Variants in ERC1 observed in about 807,000 individuals in gnomAD.
ERC1 encodes ELKS/RAB6-interacting/CAST family member 1, also known as RAB6 interacting protein 2.
ERC1 carries 56 observed loss-of-function variants against 132.0 expected under a neutral mutation model. The observed-to-expected ratio is 0.42, with a 90% confidence interval of 0.34 to 0.53. ERC1 has a LOEUF of 0.53. ERC1 is among the 20% of genes least tolerant of loss of function. The probability of loss-of-function intolerance (pLI) is 0.03; values close to 1 mark genes in which losing one functional copy is unlikely to be tolerated. For missense variants in ERC1, 1,202 were observed against 1,349.9 expected, an observed-to-expected ratio of 0.89 and a Z score of 1.72; for synonymous variants, 478 against 476.1, an observed-to-expected ratio of 1.00 and a Z score of -0.05.
intron 15 of ERC1, among the ~76,000 whole-genome samples, chr12:1,301,460 A>G (rs1319870812): frequency 6.6e-6 from 1 of 152,240 alleles, no homozygotes; most frequent in East Asian, 1.9e-4. Flanking sequence ...TGTAGTGCCC[A>G]TACACCATGG....
chr12:1,135,340 A>G (rs1435622739), intron 7 of ERC1, among the ~76,000 whole-genome samples: 1 of 152,206 alleles, frequency 6.6e-6, no homozygotes. Flanking sequence ...TCTGTTTTCA[A>G]CATTTTAGTG....
At chr12:1,009,384 C>T (rs966222500) in intron 1 of ERC1, among the ~76,000 whole-genome samples, 16 of 152,050 alleles carry the variant, frequency 1.1e-4, no homozygotes, top group Non-Finnish European at 1.9e-4. Flanking sequence ...CCGTGTTAGC[C>T]AGGATGGTCT....
rs145873323 is a variant in ERC1, at chr12:1,062,816, C to T, written c.670-20348C>T. Among the ~76,000 whole-genome samples, 148 of 152,172 alleles carry T rather than the reference C, an allele frequency of 9.7e-4. 2 individuals carry two copies. The East Asian group carries it at 0.024, about 24-fold the overall frequency. On this transcript the variant is annotated intron_variant, in intron 2 of 18. Transcript: ENST00000360905. ...GTGGTGAAAGTGGGGTGGTGAAGTC[C>T]GCAATTATTCTTATATTGGGATCTA...
chr12:1,247,243 A>C (rs2076212010), intron 13 of ERC1, among the ~76,000 whole-genome samples: 1 of 152,212 alleles, frequency 6.6e-6, no homozygotes, highest in Non-Finnish European at 1.5e-5. Flanking sequence ...AAAGAAAAAA[A>C]AAATCCGGAA....
chr12:1,486,686 A>G (rs7979424), intron 18 of ERC1, among the ~76,000 whole-genome samples: 76,868 of 151,988 alleles, frequency 0.51, 21,388 homozygotes, highest in Middle Eastern at 0.65. Flanking sequence ...CGGCCTCCCA[A>G]AGTGCTGGGT....
At chr12:1,440,359 C>T (rs796175493) in intron 17 of ERC1, among the ~76,000 whole-genome samples, 27 of 149,996 alleles carry the variant, frequency 1.8e-4, no homozygotes, top group South Asian at 1.1e-3. Context: ...CGCCCGCCAC[C>T]ACGCCCGGCT....
chr12:1,184,885 T>C (rs1272724552), intron 11 of ERC1, among the ~76,000 whole-genome samples: 1 of 152,132 alleles, frequency 6.6e-6, no homozygotes, highest in Non-Finnish European at 1.5e-5. Flanking sequence ...CTTGAAGAGC[T>C]GGGACTACAG....
At chr12:1,267,165 C>T (rs1201105844) in intron 14 of ERC1, among the ~76,000 whole-genome samples, 1 of 152,224 alleles carries the variant, frequency 6.6e-6, no homozygotes, top group African/African-American at 2.4e-5. Flanking sequence ...GGAAGGTGCC[C>T]CCTAACCTGT....
chr12:1,216,066 A>G (rs1219031942), intron 12 of ERC1, among the ~76,000 whole-genome samples: 4 of 152,214 alleles, frequency 2.6e-5, no homozygotes, highest in East Asian at 1.9e-4. Flanking sequence ...ATTGTCCCCA[A>G]ATTTTCAGAT....
chr12:1,361,714 G>A (rs191601216), intron 15 of ERC1, among the ~76,000 whole-genome samples: 36 of 152,212 alleles, frequency 2.4e-4, no homozygotes, highest in South Asian at 4.2e-4. Context: ...TGGAACATTG[G>A]GCCACATTTA....
chr12:1,158,946 TAAGTA>T (rs72052209), intron 8 of ERC1, among the ~76,000 whole-genome samples: 6,463 of 152,248 alleles, frequency 0.042, 433 homozygotes, highest in African/African-American at 0.15. Context: ...TCACTCAAGT[TAAGTA>T]AACATTTCAA....
chr12:1,383,166 G>T (rs1238050388), intron 16 of ERC1, among the ~76,000 whole-genome samples: 1 of 152,072 alleles, frequency 6.6e-6, no homozygotes, highest in Non-Finnish European at 1.5e-5. Flanking sequence ...TGTGTTTCCT[G>T]ATCCCTCTTG....
chr12:1,205,471 C>T (rs1192741827), intron 12 of ERC1, among the ~76,000 whole-genome samples: 1 of 151,118 alleles, frequency 6.6e-6, no homozygotes, highest in African/African-American at 2.4e-5. Context: ...TTTGACTCAA[C>T]AGCTAGCATA....
intron 8 of ERC1, 46 bp downstream of exon 8, chr12:1,141,833 C>G: frequency 7.3e-7 from 1 of 1,379,052 alleles, no homozygotes; most frequent in Non-Finnish European, 9.7e-7. Context: ...CCTCATACAT[C>G]TTCACTCCTA....
intron 15 of ERC1, among the ~76,000 whole-genome samples, chr12:1,293,453 A>AAACAACAACAACAAC (rs201350540): frequency 2.0e-5 from 2 of 101,356 alleles, no homozygotes; most frequent in African/African-American, 7.5e-5. Context: ...ACTCCATCTC[A>AAACAACAACAACAAC]AACAACAACA....
intron 8 of ERC1, among the ~76,000 whole-genome samples, chr12:1,173,897 A>G (rs1953373266): frequency 1.3e-5 from 2 of 151,572 alleles, no homozygotes; most frequent in East Asian, 1.9e-4. Context: ...TCAGTGAGTG[A>G]GGGCTCAGCT....
chr12:1,313,813 T>G (rs1198370582), intron 15 of ERC1, among the ~76,000 whole-genome samples: 1 of 151,910 alleles, frequency 6.6e-6, no homozygotes, highest in Non-Finnish European at 1.5e-5. Context: ...GGTGAAACCC[T>G]GTCTCTACTA....
chr12:1,289,166 C>T (rs1029229187), intron 14 of ERC1, among the ~76,000 whole-genome samples: 2 of 145,374 alleles, frequency 1.4e-5, no homozygotes, highest in Admixed American at 6.9e-5. Context: ...TATTTCCTTC[C>T]TGCCTATATA....
At chr12:1,024,182 A>T (rs948249950) in intron 1 of ERC1, among the ~76,000 whole-genome samples, 1 of 152,124 alleles carries the variant, frequency 6.6e-6, no homozygotes, top group Non-Finnish European at 1.5e-5. Context: ...GGAGTTCGAG[A>T]CCAGACTGGG....
Sources: allele counts gnomAD v4.1 joint callset (sites outside exome capture counted in the v4.1 genomes callset), GRCh38; gene constraint gnomAD v4.1.1; transcripts MANE v1.5; gene names NCBI Gene and HGNC (gene_info 2026-07-23, HGNC 2026-07-21).